Variants in STAG1 observed in about 807,000 individuals in gnomAD.
STAG1 encodes STAG1 cohesin complex component.
A neutral mutation model predicts 170.9 loss-of-function variants in STAG1; 26 were observed. The ratio of observed to expected loss-of-function variants is 0.15; its 90% CI spans 0.11 to 0.21. The LOEUF (loss-of-function observed/expected upper bound fraction) is 0.21, where lower values mean the gene tolerates loss of function less well. Among genes scored for constraint, STAG1 ranks in the 10% least tolerant of loss-of-function variants. The pLI is 1.00. For synonymous variants in STAG1, 514 were observed against 497.7 expected, an observed-to-expected ratio of 1.03 and a Z score of -0.44; for missense variants, 964 against 1,509.5, an observed-to-expected ratio of 0.64 and a Z score of 5.99.
intron 4 of STAG1, among the ~76,000 whole-genome samples, chr3:136,579,991 C>G (rs1304593570): frequency 2.2e-5 from 1 of 45,680 alleles, no homozygotes; most frequent in Non-Finnish European, 3.9e-5. Flanking sequence ...TTTTTTGAGA[C>G]GGAGTCTCAC....
intron 1 of STAG1, among the ~76,000 whole-genome samples, chr3:136,660,491 CAAATAGGATAAT>C (rs1941542656): frequency 6.6e-6 from 1 of 151,946 alleles, no homozygotes; most frequent in South Asian, 2.1e-4. Context: ...AAAAAAACTA[CAAATAGGATAAT>C]TAGACAAAAC....
chr3:136,693,717 C>T (rs1472533783), intron 1 of STAG1, among the ~76,000 whole-genome samples: 6 of 152,016 alleles, frequency 3.9e-5, no homozygotes, highest in African/African-American at 1.5e-4. Flanking sequence ...CACAAGTGCA[C>T]ACCCCCATAC....
intron 29 of STAG1, among the ~76,000 whole-genome samples, chr3:136,348,261 G>C (rs896570203): frequency 6.6e-6 from 1 of 151,458 alleles, no homozygotes; most frequent in Non-Finnish European, 1.5e-5. Flanking sequence ...ATTTTAACAG[G>C]AATGCTTTGT....
chr3:136,369,966 G>A (rs970549499), intron 23 of STAG1, among the ~76,000 whole-genome samples: 1 of 152,066 alleles, frequency 6.6e-6, no homozygotes, highest in Non-Finnish European at 1.5e-5. Flanking sequence ...GCTGCCAGTC[G>A]TATAACAGTA....
At chr3:136,580,627 G>A (rs895813017) in intron 4 of STAG1, among the ~76,000 whole-genome samples, 14 of 144,060 alleles carry the variant, frequency 9.7e-5, no homozygotes, top group East Asian at 4.3e-4. Flanking sequence ...TCCGCTTCCC[G>A]GGTTCACGCC....
intron 13 of STAG1, among the ~76,000 whole-genome samples, chr3:136,453,287 CAAAACTTA>C (rs2088998578): frequency 6.6e-6 from 1 of 151,888 alleles, no homozygotes; most frequent in South Asian, 2.1e-4. Context: ...TTTATTCTAA[CAAAACTTA>C]AAAACTGCTA....
intron 13 of STAG1, among the ~76,000 whole-genome samples, chr3:136,452,630 G>A (rs566519662): frequency 3.3e-5 from 5 of 151,726 alleles, no homozygotes; most frequent in South Asian, 4.2e-4. Context: ...ATTATAGGTC[G>A]GAAAATGGTG....
At chr3:136,615,648 G>A (rs1161483364) in intron 3 of STAG1, among the ~76,000 whole-genome samples, 3 of 150,864 alleles carry the variant, frequency 2.0e-5, no homozygotes, top group East Asian at 2.0e-4. Flanking sequence ...CGTGATGGTG[G>A]GCACCTGTAG....
intron 9 of STAG1, among the ~76,000 whole-genome samples, chr3:136,478,847 T>C (rs997175140): frequency 2.0e-4 from 31 of 152,114 alleles, no homozygotes; most frequent in Non-Finnish European, 2.2e-4. Flanking sequence ...GAGGAAGACA[T>C]CCTGAGTTCA....
intron 7 of STAG1, among the ~76,000 whole-genome samples, chr3:136,518,599 T>C (rs973200595): frequency 6.6e-6 from 1 of 152,122 alleles, no homozygotes; most frequent in Non-Finnish European, 1.5e-5. Context: ...CTGCTATGTC[T>C]CACATTTTAT....
At chr3:136,424,523 C>T (rs1474611194) in intron 16 of STAG1, among the ~76,000 whole-genome samples, 3 of 151,722 alleles carry the variant, frequency 2.0e-5, no homozygotes, top group Admixed American at 6.6e-5. Flanking sequence ...TTGGTAGAGA[C>T]GGGTTTTCAC....
intron 1 of STAG1, among the ~76,000 whole-genome samples, chr3:136,716,715 C>G (rs777260834): frequency 3.3e-5 from 5 of 152,214 alleles, no homozygotes; most frequent in Non-Finnish European, 7.3e-5. Context: ...AAAGTAACCT[C>G]TAACATTTCA....
chr3:136,509,484 G>C (rs1933942570), intron 7 of STAG1, among the ~76,000 whole-genome samples: 1 of 152,036 alleles, frequency 6.6e-6, no homozygotes, highest in African/African-American at 2.4e-5. Flanking sequence ...AGAGATGGTT[G>C]TATGGGGTTT....
At chr3:136,502,595 G>T in intron 8 of STAG1, 33 bp downstream of exon 8, 1 of 1,603,812 alleles carries the variant, frequency 6.2e-7, no homozygotes, top group Non-Finnish European at 8.5e-7. Context: ...CACATTTACA[G>T]AACATAAAAT....
chr3:136,527,971 C>T lies in STAG1; in HGVS notation c.472-6554G>A, dbSNP rs115031169. 7.5e-3 allele frequency among the ~76,000 whole-genome samples: 1,140 copies of T among 152,176 alleles called. 21 individuals are homozygous for T. The highest frequency in any genetic ancestry group is 0.025 in the African/African-American group (1,049 of 41,522). On this transcript the variant is annotated intron_variant, in intron 6 of 33. Coordinates refer to ENST00000383202, the MANE Select transcript of STAG1 (RefSeq NM_005862.3). ...GCTTCATCTCAGAGGGTTATCCGGCCGTATGATGTGTCAGTCTGCCCCTAT... is the reference window on the plus strand; with the variant it reads ...GCTTCATCTCAGAGGGTTATCCGGCTGTATGATGTGTCAGTCTGCCCCTAT...
At chr3:136,647,494 G>T (rs754633679) in intron 1 of STAG1, among the ~76,000 whole-genome samples, 1 of 151,998 alleles carries the variant, frequency 6.6e-6, no homozygotes, top group Non-Finnish European at 1.5e-5. Flanking sequence ...GCTTGAACCC[G>T]GGAGGCAGAG....
intron 15 of STAG1, among the ~76,000 whole-genome samples, chr3:136,435,436 C>A (rs1449210318): frequency 6.6e-6 from 1 of 152,138 alleles, no homozygotes; most frequent in Non-Finnish European, 1.5e-5. Flanking sequence ...GCTATACTGT[C>A]TTTTCAGCAT....
chr3:136,600,688 T>C (rs1442036920), intron 4 of STAG1, among the ~76,000 whole-genome samples: 1 of 151,976 alleles, frequency 6.6e-6, no homozygotes, highest in Non-Finnish European at 1.5e-5. Context: ...TGCGCAACCA[T>C]GCCCAGCTAA....
intron 24 of STAG1, among the ~76,000 whole-genome samples, chr3:136,368,714 G>T (rs913860787): frequency 6.6e-6 from 1 of 152,148 alleles, no homozygotes; most frequent in African/African-American, 2.4e-5. Context: ...GTAGCTGTTA[G>T]AGAAAGACAG....
Sources: gnomAD v4.1 joint callset for allele counts (sites outside exome capture counted in the v4.1 genomes callset) on GRCh38, gnomAD v4.1.1 for gene constraint, MANE v1.5 for transcripts, NCBI Gene and HGNC (gene_info 2026-07-23, HGNC 2026-07-21) for gene names.